The following ANK1 variants were observed in gnomAD, a reference collection of about 807,000 sequenced individuals.
ANK1 encodes the protein ankyrin 1.
A neutral mutation model predicts 210.4 loss-of-function variants in ANK1; 51 were observed. The ratio of observed to expected loss-of-function variants is 0.24; its 90% CI spans 0.19 to 0.31. The LOEUF (loss-of-function observed/expected upper bound fraction) is 0.31, where lower values mean the gene tolerates loss of function less well. ANK1 is among the 10% of genes least tolerant of loss of function. The probability of loss-of-function intolerance (pLI) is 1.00; values close to 1 mark genes in which losing one functional copy is unlikely to be tolerated. For missense variants in ANK1, 2,051 were observed against 2,504.4 expected (o/e 0.82, Z 3.86); for synonymous variants, 967 against 1,025.9 (o/e 0.94, Z 1.10).
chr8:41,724,678 G>C, intron 6 of ANK1, 124 bp from the exon 7 acceptor site: 1 of 880,910 alleles, frequency 1.1e-6, no homozygotes, highest in African/African-American at 1.7e-5. Flanking sequence ...GATTTTGATG[G>C]GTGGGAACAT....
chr8:41,844,665 G>A (rs1421979893), intron 1 of ANK1, among the ~76,000 whole-genome samples: 5 of 152,212 alleles, frequency 3.3e-5, no homozygotes, highest in African/African-American at 4.8e-5. Flanking sequence ...CTCTGAGTAC[G>A]GCTCTGCCTC....
chr8:41,837,563 T>C (rs533937116), intron 1 of ANK1, among the ~76,000 whole-genome samples: 1 of 152,312 alleles, frequency 6.6e-6, no homozygotes, highest in African/African-American at 2.4e-5. Context: ...TCCATGCACA[T>C]GGTAGAGCTT....
chr8:41,895,285 G>GC (rs1820256606), intron 1 of ANK1, among the ~76,000 whole-genome samples: 2 of 152,180 alleles, frequency 1.3e-5, no homozygotes, highest in African/African-American at 4.8e-5. Flanking sequence ...TGCAGGCTGG[G>GC]CCCCACATCG....
At chr8:41,732,880 G>GGCGCCCGCCACC (rs1219832881) in intron 3 of ANK1, among the ~76,000 whole-genome samples, 13 of 152,204 alleles carry the variant, frequency 8.5e-5, no homozygotes, top group African/African-American at 3.1e-4. Flanking sequence ...TGGGATTACA[G>GGCGCCCGCCACC]GCGCCCGCCA....
At chr8:41,777,649 T>C (rs1371747338) in intron 1 of ANK1, among the ~76,000 whole-genome samples, 1 of 152,190 alleles carries the variant, frequency 6.6e-6, no homozygotes, top group African/African-American at 2.4e-5. Context: ...GTTATGGTTG[T>C]GTTGGCAACT....
In ANK1 at chr8:41,695,300, A is replaced by G; in HGVS notation, c.2992T>C (p.Ser998Pro). ...PVIVEIPHFA[S>P]HGRGDRELVV... ...AGCTCGCGGTCTCCACGGCCATGGG[A>G]GGCAAAGTGCGGGATCTCCACGATT... is the stretch of plus-strand genomic sequence containing the variant. Residue 998 changes from serine to proline, a missense_variant, in exon 27 of 43, where the codon TCC becomes CCC. By Grantham distance (74) the Ser-to-Pro change is moderately conservative. This residue lies in a region of ANK1 where 1,413 missense variants were observed against 1,707.4 expected (regional missense o/e 0.83). Coordinates refer to ENST00000289734, the MANE Select transcript of ANK1 (RefSeq NM_000037.4). The G allele has an allele frequency of 1.2e-6, 2 of 1,613,614 alleles. No homozygotes were observed. Among genetic ancestry groups the G allele is most frequent in the Non-Finnish European group, 1.7e-6 (2 of 1,179,910 alleles).
intron 7 of ANK1, 78 bp from the exon 8 acceptor site, chr8:41,723,711 C>T: frequency 8.2e-7 from 1 of 1,225,300 alleles, no homozygotes; most frequent in Non-Finnish European, 1.2e-6. Flanking sequence ...CTCCCCTTGT[C>T]CCCAGCCCCC....
Position 41,718,093 on chromosome 8 carries a change from C to T in ANK1, c.1206+13G>A. 1 of 1,612,994 alleles carries T rather than the reference C, an allele frequency of 6.2e-7. No individual in the cohort carries two copies. Among genetic ancestry groups the T allele is most frequent in the Non-Finnish European group, 8.5e-7 (1 of 1,179,500 alleles). On this transcript the variant is annotated intron_variant, in intron 11 of 42. Coordinates refer to ENST00000289734, the MANE Select transcript of ANK1 (RefSeq NM_000037.4). ...ACAGGCCTGCCCCCAGGCTCCTCTG[C>T]AGTCTCTCCTACCTCGGTGACCGCG...
chr8:41,689,146 C>A (rs1227129848), intron 33 of ANK1, among the ~76,000 whole-genome samples: 8 of 152,120 alleles, frequency 5.3e-5, no homozygotes, highest in Admixed American at 6.5e-5. Context: ...GAGCCAGGGT[C>A]TCACTCTGTC....
At chr8:41,798,130 C>T (rs1218166865), upstream of ANK1, among the ~76,000 whole-genome samples, 2 of 151,846 alleles carry the variant, frequency 1.3e-5, no homozygotes, top group Non-Finnish European at 2.9e-5. Context: ...AGTCGGGGAG[C>T]GCTGAGCCAG....
At chr8:41,888,264 A>G (rs569231925) in intron 1 of ANK1, among the ~76,000 whole-genome samples, 6 of 152,330 alleles carry the variant, frequency 3.9e-5, no homozygotes, top group Non-Finnish European at 7.4e-5. Context: ...TCATCAACTA[A>G]CTGCCCAAAT....
chr8:41,661,575 C>A lies in ANK1; in HGVS notation c.5545-11G>T. 6.2e-7 allele frequency: 1 copy of A among 1,613,684 alleles called. No individual in the cohort carries two copies. The highest frequency in any genetic ancestry group is 8.5e-7 in the Non-Finnish European group (1 of 1,180,032). ...CCCTCTCAGCTCCACCTGCAGACAG[C>A]AGCAGAGACAGAAAGCAGGACAGAT... On this transcript the variant is annotated splice_polypyrimidine_tract_variant and intron_variant, in intron 41 of 42. Transcript: ENST00000289734.
intron 1 of ANK1, among the ~76,000 whole-genome samples, chr8:41,869,626 G>A (rs555716067): frequency 6.6e-6 from 1 of 152,270 alleles, no homozygotes; most frequent in East Asian, 1.9e-4. Flanking sequence ...ACTGACCAGG[G>A]AAGACCAGGA....
At chr8:41,843,453 T>G (rs955704367) in intron 1 of ANK1, among the ~76,000 whole-genome samples, 1 of 145,386 alleles carries the variant, frequency 6.9e-6, no homozygotes, top group Non-Finnish European at 1.5e-5. Context: ...TATCTCTTTC[T>G]GAATGCGTGT....
At chr8:41,752,804 C>CCT (rs201807452) in intron 2 of ANK1, among the ~76,000 whole-genome samples, 3 of 151,654 alleles carry the variant, frequency 2.0e-5, no homozygotes, top group South Asian at 2.1e-4. Context: ...ACAGGCCCCC[C>CCT]CCCACTGCAC....
intron 1 of ANK1, among the ~76,000 whole-genome samples, chr8:41,834,247 C>A (rs1206880416): frequency 6.6e-6 from 1 of 152,206 alleles, no homozygotes; most frequent in Non-Finnish European, 1.5e-5. Flanking sequence ...AGGCCATGGC[C>A]ACGGGGCAGA....
intron 1 of ANK1, among the ~76,000 whole-genome samples, chr8:41,769,662 T>C (rs772490620): frequency 6.6e-5 from 10 of 152,222 alleles, no homozygotes; most frequent in Non-Finnish European, 1.2e-4. Flanking sequence ...ACATTTAAAA[T>C]GTACAATTTG....
rs760027398 is a variant in ANK1 at position 41,706,145 on chromosome 8, G to T, written c.2095C>A (p.Arg699=). 6.2e-7 allele frequency: 1 copy of T among 1,613,788 alleles called. No individual in the cohort carries two copies. The highest frequency in any genetic ancestry group is 2.2e-5 in the East Asian group (1 of 44,878). ...GAAGTTCCGGCTGCCTGCCTTACCC[G>T]GGTGGTGGCGTCCACCATGACGCCG... is the stretch of plus-strand genomic sequence containing the variant. The part of the protein sequence containing the change: ...KHGVMVDATT[R]MGYTPLHVAS... Residue 699 remains arginine, a splice_region_variant and synonymous_variant, in exon 18 of 43, where the codon CGG becomes AGG. Transcript: ENST00000289734.
intron 37 of ANK1, among the ~76,000 whole-genome samples, chr8:41,674,748 G>A (rs564343338): frequency 9.2e-5 from 14 of 152,336 alleles, no homozygotes; most frequent in African/African-American, 2.6e-4. Flanking sequence ...CCAAATGAGC[G>A]GGGAGGATGA....
Sources: gnomAD v4.1 joint callset for allele counts (sites outside exome capture counted in the v4.1 genomes callset) on GRCh38, gnomAD v4.1.1 for gene constraint, gnomAD v4.1.1 regional missense constraint, MANE v1.5 for transcripts, NCBI Gene and HGNC (gene_info 2026-07-23, HGNC 2026-07-21) for gene names.